Variants in NHSL1 observed in about 807,000 individuals in gnomAD.
NHSL1 encodes the protein NHS like 1, also known as NHS-like protein 1.
In NHSL1, 48 loss-of-function variants were observed where a neutral mutation model predicts 95.0. The ratio of observed to expected loss-of-function variants is 0.51; its 90% CI spans 0.40 to 0.64. The LOEUF (loss-of-function observed/expected upper bound fraction) is 0.64, where lower values mean the gene tolerates loss of function less well. Among genes scored for constraint, NHSL1 ranks in the 30% least tolerant of loss-of-function variants. The pLI is 0.00. For synonymous variants in NHSL1, 783 were observed against 833.9 expected (o/e 0.94, Z 1.05); for missense variants, 1,971 against 2,077.7 (o/e 0.95, Z 1.00).
rs1783842321 is a variant in NHSL1 at position 138,571,648 on chromosome 6, A to G, written c.202+62T>C. The G allele has an allele frequency of 4.0e-6, 6 of 1,487,610 alleles. No individual in the cohort carries two copies. The Admixed American group carries it at 1.0e-4, about 26-fold the overall frequency. The allele number at this position is 1,487,610 out of a possible 1,614,324, so 92.2% of individuals were successfully genotyped here. On this transcript the variant is annotated intron_variant, in intron 1 of 6. Transcript: ENST00000427025. ...AAAAATCATGAAGGGGGAGTGATAG[A>G]AACAAAGAATTCTACATAACAAACT...
upstream of NHSL1, among the ~76,000 whole-genome samples, chr6:138,692,860 G>A (rs1036031429): frequency 6.6e-6 from 1 of 151,000 alleles, no homozygotes; most frequent in African/African-American, 2.4e-5. This position sits in a 1 kb window ranked among gnomAD's most constrained non-coding sequence, Gnocchi z 4.0. Flanking sequence ...CCCGGGCAGC[G>A]GCGGGGCGCC....
chr6:138,422,421 T>C lies in NHSL1; in HGVS notation c.*1660A>G, dbSNP rs935951886. The C allele has an allele frequency of 1.3e-5, 2 of 152,198 alleles. No individual in the cohort carries two copies. Among genetic ancestry groups the C allele is most frequent in the East Asian group, 1.9e-4 (1 of 5,196 alleles). 9.4% of individuals were successfully genotyped at this position (152,198 alleles called of 1,614,324 possible). A position where few individuals can be genotyped will look rare whatever the true frequency, so the allele number is the denominator to read the frequency against. ...TGCCTCAAAGACATTTCTATATGGG[T>C]ATCTAAAGTTTTAGTTTATAAGTCT... On this transcript the variant is annotated 3_prime_UTR_variant, in exon 8 of 8. Transcript: ENST00000343505.
chr6:138,686,810 C>T (rs1287816072), intron 1 of NHSL1, among the ~76,000 whole-genome samples: 1 of 152,200 alleles, frequency 6.6e-6, no homozygotes, highest in African/African-American at 2.4e-5. Flanking sequence ...CAAAGGACAG[C>T]ATGGCATTGT....
At chr6:138,688,961 G>C (rs1296641309) in intron 1 of NHSL1, among the ~76,000 whole-genome samples, 1 of 152,140 alleles carries the variant, frequency 6.6e-6, no homozygotes, top group Non-Finnish European at 1.5e-5. Context: ...TTGTATTTTT[G>C]TACTTGTACT....
Position 138,432,306 on chromosome 6 carries a change from G to C in NHSL1, c.2039C>G (p.Ser680Cys). ...GCTCTTCTTGGGAATCCTGCGGAGG[G>C]AGTCTGTCCGGGAGGGTGGCAGGGG... Reference protein sequence around the residue: ...KPPLPPSRTDSLRRIPKKSSQ... With the variant: ...KPPLPPSRTDCLRRIPKKSSQ... The change falls in exon 6 of 8, where the codon TCC becomes TGC. Residue 680 changes from serine to cysteine, a missense_variant. By Grantham distance (112) the Ser-to-Cys change is moderately radical. Around this residue, in one of 3 missense-constraint regions of NHSL1, gnomAD observed 1,602 missense variants for 1,654.5 expected, o/e 0.97. Coordinates refer to ENST00000343505, the MANE Select transcript of NHSL1 (RefSeq NM_001144060.2). This position sits in a 1 kb window ranked among gnomAD's most constrained non-coding sequence, Gnocchi z 4.4. The C allele has an allele frequency of 1.9e-6, 3 of 1,551,654 alleles. No individual in the cohort carries two copies. Among genetic ancestry groups the C allele is most frequent in the Admixed American group, 2.0e-5 (1 of 50,986 alleles).
rs1024731333 is a variant in NHSL1 at position 138,432,635 on chromosome 6, T to G, written c.1710A>C (p.Leu570Phe). The G allele has an allele frequency of 1.3e-6, 2 of 1,551,744 alleles. No individual in the cohort carries two copies. The highest frequency in any genetic ancestry group is 1.7e-6 in the Non-Finnish European group (2 of 1,146,988). Reference sequence around the variant, plus strand: ...TGGGAGTGGAATAGCCAGGAGTTGCTAAATGCGGCTTCAGGGGGGATGCCC... The same window carrying G: ...TGGGAGTGGAATAGCCAGGAGTTGCGAAATGCGGCTTCAGGGGGGATGCCC... ...NGRASPLKPH[L>F]ATPGYSTPTS... is the part of the protein sequence containing the mutation. The change falls in exon 6 of 8, where the codon TTA (leucine) becomes TTC (phenylalanine). Residue 570 changes from leucine (L) to phenylalanine (F), a missense_variant. Transcript: ENST00000343505. This position sits in a 1 kb window ranked among gnomAD's most constrained non-coding sequence, Gnocchi z 4.4.
intron 5 of NHSL1, among the ~76,000 whole-genome samples, chr6:138,440,382 A>G (rs1395392085): frequency 6.6e-6 from 1 of 152,184 alleles, no homozygotes; most frequent in African/African-American, 2.4e-5. Context: ...AGGTGCCTGG[A>G]GACCTCAGGT....
At chr6:138,647,879 G>A (rs879253056) in intron 1 of NHSL1, among the ~76,000 whole-genome samples, 3 of 152,126 alleles carry the variant, frequency 2.0e-5, no homozygotes, top group African/African-American at 4.8e-5. Flanking sequence ...ATTACAAGGC[G>A]TGAGCCACTG....
At chr6:138,631,441 C>A (rs1308467587) in intron 1 of NHSL1, among the ~76,000 whole-genome samples, 4 of 152,126 alleles carry the variant, frequency 2.6e-5, no homozygotes, top group Non-Finnish European at 5.9e-5. Flanking sequence ...CTCATGGATC[C>A]AAAAGAGACC....
rs140499933 is a variant in NHSL1, at chr6:138,592,772, T to C, written c.97-96401A>G. 2.1e-3 allele frequency among the ~76,000 whole-genome samples: 327 copies of C among 152,296 alleles called. 3 individuals carry two copies. Among genetic ancestry groups the C allele is most frequent in the East Asian group, 0.014 (71 of 5,180 alleles). On this transcript the variant is annotated intron_variant, in intron 1 of 3. Transcript: ENST00000491526. ...AATATTTTCTAAATATCGTAAGACA[T>C]ATGAAACAGGGTGGCTAGGAGCTGC... is the stretch of plus-strand genomic sequence containing the variant.
At chr6:138,493,761 A>G (rs61213883) in intron 2 of NHSL1, among the ~76,000 whole-genome samples, 3,137 of 152,344 alleles carry the variant, frequency 0.021, 48 homozygotes, top group South Asian at 0.076. Flanking sequence ...ACAATTTACT[A>G]AAGATAAATC....
intron 1 of NHSL1, among the ~76,000 whole-genome samples, chr6:138,565,710 A>C (rs1036969106): frequency 1.3e-5 from 2 of 152,018 alleles, no homozygotes; most frequent in Non-Finnish European, 2.9e-5. Context: ...GGATCACTTG[A>C]GGCCAGATGT....
At chr6:138,493,235 G>T (rs1780173226) in intron 2 of NHSL1, among the ~76,000 whole-genome samples, 2 of 152,098 alleles carry the variant, frequency 1.3e-5, no homozygotes, top group Non-Finnish European at 1.5e-5. Flanking sequence ...AGACTTTAAA[G>T]GTTGCACTCC....
chr6:138,650,007 G>C (rs1785068353), intron 1 of NHSL1, among the ~76,000 whole-genome samples: 1 of 152,166 alleles, frequency 6.6e-6, no homozygotes, highest in African/African-American at 2.4e-5. Context: ...ACCTTTCCCA[G>C]GTCTGGCAGG....
intron 1 of NHSL1, among the ~76,000 whole-genome samples, chr6:138,535,475 G>A (rs2128319144): frequency 6.6e-6 from 1 of 152,234 alleles, no homozygotes; most frequent in East Asian, 1.9e-4. Context: ...GAGGTGAGAA[G>A]ATTACTTGAG....
At chr6:138,569,158 C>A (rs895786250) in intron 1 of NHSL1, among the ~76,000 whole-genome samples, 3 of 152,108 alleles carry the variant, frequency 2.0e-5, no homozygotes, top group Admixed American at 2.0e-4. Flanking sequence ...AACCAGAGAT[C>A]CCACAGGGGG....
chr6:138,582,069 G>A (rs1784067621), intron 1 of NHSL1, among the ~76,000 whole-genome samples: 1 of 151,766 alleles, frequency 6.6e-6, no homozygotes, highest in Non-Finnish European at 1.5e-5. Context: ...GCTAATTTTT[G>A]TATTTTTAGT....
intron 1 of NHSL1, among the ~76,000 whole-genome samples, chr6:138,678,030 T>TGCAGAGCAGAGTAAC (rs1451759641): frequency 6.6e-6 from 1 of 152,196 alleles, no homozygotes; most frequent in Non-Finnish European, 1.5e-5. Context: ...AGCAGAGTAT[T>TGCAGAGCAGAGTAAC]GCAGAGCAGA....
intron 3 of NHSL1, among the ~76,000 whole-genome samples, chr6:138,465,290 T>G (rs1778289254): frequency 6.6e-6 from 1 of 152,096 alleles, no homozygotes; most frequent in Admixed American, 6.5e-5. Flanking sequence ...ATAAGGAAAT[T>G]AATGCCTTAA....
Sources: allele counts gnomAD v4.1 joint callset (sites outside exome capture counted in the v4.1 genomes callset), GRCh38; gene constraint gnomAD v4.1.1; regional missense constraint gnomAD v4.1.1; non-coding constraint Gnocchi (gnomAD v3.1); transcripts MANE v1.5; gene names NCBI Gene and HGNC (gene_info 2026-07-23, HGNC 2026-07-21).